The following FANK1 variants were observed in gnomAD, a reference collection of about 807,000 sequenced individuals.
FANK1 encodes fibronectin type III and ankyrin repeat domains 1.
A neutral mutation model predicts 45.3 loss-of-function variants in FANK1; 44 were observed. The ratio of observed to expected loss-of-function variants is 0.97; its 90% confidence interval spans 0.76 to 1.25. The LOEUF (loss-of-function observed/expected upper bound fraction) is 1.25. Among genes scored for constraint, FANK1 ranks in the 50% most tolerant of loss-of-function variants. The pLI is 0.00. For missense variants in FANK1, 391 were observed against 424.4 expected (o/e 0.92, Z 0.69); for synonymous variants, 149 against 152.5 (o/e 0.98, Z 0.17).
At chr10:125,938,003 A>G (rs1371926264) in intron 1 of FANK1, among the ~76,000 whole-genome samples, 2 of 152,232 alleles carry the variant, frequency 1.3e-5, no homozygotes, top group South Asian at 2.1e-4. Context: ...TTTATTGACA[A>G]GCCACACAGA....
At chr10:125,904,350 C>A (rs1028787167) in intron 1 of FANK1, among the ~76,000 whole-genome samples, 3 of 152,238 alleles carry the variant, frequency 2.0e-5, no homozygotes, top group African/African-American at 7.2e-5. Flanking sequence ...TAATTTAAAA[C>A]TTCCTCACAA....
rs34434882 is a variant in FANK1, at chr10:125,991,638, CT to C, written c.316+2971del. Among the ~76,000 whole-genome samples, 794 of 152,142 alleles carry C rather than the reference CT, an allele frequency of 5.2e-3. 9 individuals carry two copies. The highest frequency in any genetic ancestry group is 0.017 in the African/African-American group (715 of 41,504). ...TTTGTTTGAATAAAGAATGAACAGC[CT>C]TTTTTTTCCCCCCAGGTAAAGTACA... On this transcript the variant is annotated intron_variant, in intron 3 of 10. Coordinates refer to ENST00000368693, the MANE Select transcript of FANK1 (RefSeq NM_145235.5).
At chr10:125,978,124 A>G (rs1315867108) in intron 1 of FANK1, among the ~76,000 whole-genome samples, 1 of 152,120 alleles carries the variant, frequency 6.6e-6, no homozygotes, top group East Asian at 1.9e-4. Context: ...TAGTCACCTC[A>G]GATTTTCCAG....
intron 1 of FANK1, among the ~76,000 whole-genome samples, chr10:125,926,561 G>A (rs1947355524): frequency 6.6e-6 from 1 of 152,298 alleles, no homozygotes; most frequent in African/African-American, 2.4e-5. Context: ...CTGATATTTT[G>A]AGATTGAGTT....
Position 126,009,385 on chromosome 10 carries a change from T to A in FANK1, c.985T>A (p.Leu329Ile). 6.2e-7 allele frequency: 1 copy of A among 1,614,030 alleles called. No individual in the cohort carries two copies. Among genetic ancestry groups the A allele is most frequent in the Non-Finnish European group, 8.5e-7 (1 of 1,179,976 alleles). The change falls in exon 11 of 11, where the codon TTA becomes ATA. Residue 329 changes from leucine (L) to isoleucine (I), a missense_variant. Transcript: ENST00000368693. ...TTTGTTTATCTAGAGTGTAGTCTCC[T>A]TATTAGAAGAAAGGAAAAAAAAGCA... ...RVFDRQSVVSLLEERKKKQRP... is the reference protein window; with the variant it reads ...RVFDRQSVVSILEERKKKQRP...
intron 1 of FANK1, among the ~76,000 whole-genome samples, chr10:125,904,169 A>T (rs1945285190): frequency 6.6e-6 from 1 of 152,096 alleles, no homozygotes; most frequent in African/African-American, 2.4e-5. Context: ...TATTAGTAAA[A>T]CCTATCTTCT....
chr10:125,902,696 A>G (rs1945144992), intron 1 of FANK1, among the ~76,000 whole-genome samples: 1 of 152,182 alleles, frequency 6.6e-6, no homozygotes, highest in African/African-American at 2.4e-5. Flanking sequence ...GAGGCAAGTA[A>G]ACTTATTTTT....
At chr10:126,001,876 T>C (rs1590237186) in intron 6 of FANK1, among the ~76,000 whole-genome samples, 1 of 152,046 alleles carries the variant, frequency 6.6e-6, no homozygotes. Flanking sequence ...TATTAAACAA[T>C]CCTCCTCACC....
At chr10:125,920,578 G>A (rs1164316403) in intron 1 of FANK1, among the ~76,000 whole-genome samples, 1 of 152,178 alleles carries the variant, frequency 6.6e-6, no homozygotes, top group African/African-American at 2.4e-5. Flanking sequence ...TGACTTATGG[G>A]TAGCATTGAT....
At chr10:125,919,282 T>C (rs1443748594) in intron 1 of FANK1, among the ~76,000 whole-genome samples, 1 of 138,350 alleles carries the variant, frequency 7.2e-6, no homozygotes, top group Admixed American at 7.9e-5. Context: ...CTTGGCTCAC[T>C]GCAACCTCCG....
At chr10:125,948,727 C>T (rs1948990554) in intron 1 of FANK1, among the ~76,000 whole-genome samples, 1 of 151,982 alleles carries the variant, frequency 6.6e-6, no homozygotes, top group Non-Finnish European at 1.5e-5. Flanking sequence ...GAAACTATTC[C>T]AATCAATAGA....
intron 1 of FANK1, among the ~76,000 whole-genome samples, chr10:125,899,647 T>G (rs958850331): frequency 6.6e-6 from 1 of 152,208 alleles, no homozygotes; most frequent in Non-Finnish European, 1.5e-5. Context: ...TCCAACCAGA[T>G]TTCACCTGAG....
At chr10:125,977,000 G>A (rs1950894898) in intron 1 of FANK1, among the ~76,000 whole-genome samples, 1 of 151,940 alleles carries the variant, frequency 6.6e-6, no homozygotes, top group Admixed American at 6.5e-5. Flanking sequence ...CTATCCTTCA[G>A]CTTCTATATC....
intron 1 of FANK1, among the ~76,000 whole-genome samples, chr10:125,908,837 A>G (rs963467850): frequency 6.6e-6 from 1 of 152,308 alleles, no homozygotes. Flanking sequence ...CAGAAACTGT[A>G]TAAGAGAAAA....
At chr10:125,966,101 TTTTG>T (rs984701586) in intron 1 of FANK1, among the ~76,000 whole-genome samples, 72 of 152,086 alleles carry the variant, frequency 4.7e-4, no homozygotes, top group African/African-American at 1.6e-3. Context: ...CTCTAGGGAG[TTTTG>T]TCTTTTATTG....
intron 1 of FANK1, among the ~76,000 whole-genome samples, chr10:125,943,845 T>G (rs1170895779): frequency 6.6e-6 from 1 of 152,346 alleles, no homozygotes; most frequent in African/African-American, 2.4e-5. Context: ...TTGGAAAATC[T>G]GAAGTAGTCA....
At chr10:125,935,606 A>G (rs1409812207) in intron 1 of FANK1, among the ~76,000 whole-genome samples, 2 of 152,246 alleles carry the variant, frequency 1.3e-5, no homozygotes, top group Admixed American at 1.3e-4. Flanking sequence ...AAAAAAGATT[A>G]TAAATCTGTC....
chr10:125,941,248 A>G (rs1302533612), intron 1 of FANK1, among the ~76,000 whole-genome samples: 1 of 152,038 alleles, frequency 6.6e-6, no homozygotes. Flanking sequence ...ATTAAAATAC[A>G]TCCAGTGAAA....
intron 1 of FANK1, among the ~76,000 whole-genome samples, chr10:125,903,361 G>A (rs1945207712): frequency 6.6e-6 from 1 of 152,178 alleles, no homozygotes; most frequent in South Asian, 2.1e-4. Context: ...GGGCGTTCTT[G>A]GGTATTTTTC....
Sources: allele counts gnomAD v4.1 joint callset (sites outside exome capture counted in the v4.1 genomes callset), GRCh38; gene constraint gnomAD v4.1.1; transcripts MANE v1.5; gene names NCBI Gene and HGNC (gene_info 2026-07-23, HGNC 2026-07-21).